SOX6: variants seen among roughly 807,000 people sequenced by gnomAD.
SOX6 encodes the protein transcription factor SOX-6.
In SOX6, 11 loss-of-function variants were observed where a neutral mutation model predicts 97.8. The observed-to-expected ratio is 0.11, with a 90% confidence interval of 0.07 to 0.19. The LOEUF is 0.19. Among genes scored for constraint, SOX6 ranks in the 10% least tolerant of loss-of-function variants. SOX6 has a pLI of 1.00. For missense variants in SOX6, 810 were observed against 1,039.5 expected, an observed-to-expected ratio of 0.78 and a Z score of 3.04; for synonymous variants, 360 against 371.4, an observed-to-expected ratio of 0.97 and a Z score of 0.35.
intron 3 of SOX6, among the ~76,000 whole-genome samples, chr11:16,614,096 CAA>C (rs1565193723): frequency 6.6e-6 from 1 of 152,196 alleles, no homozygotes; most frequent in Non-Finnish European, 1.5e-5. Context: ...AGCTTCGGGC[CAA>C]AGAGTCTGCA....
At chr11:16,230,726 C>T (rs1852822993) in intron 4 of SOX6, among the ~76,000 whole-genome samples, 1 of 151,570 alleles carries the variant, frequency 6.6e-6, no homozygotes, top group East Asian at 1.9e-4. Context: ...TAAAGATAAA[C>T]TTTAAAGAAG....
At chr11:16,693,707 T>C (rs901723002) in intron 3 of SOX6, among the ~76,000 whole-genome samples, 1 of 152,194 alleles carries the variant, frequency 6.6e-6, no homozygotes, top group African/African-American at 2.4e-5. Flanking sequence ...GATGTAAATG[T>C]AATGGTTCCC....
rs114394853 is a variant in SOX6 at position 16,637,616 on chromosome 11, G to A, written n.430-25356C>T. ...ACACTGGATGTTGATTAGGGTAAATGATTGAACTACTATAATAAACAGAAT... is the reference window on the plus strand; with the variant it reads ...ACACTGGATGTTGATTAGGGTAAATAATTGAACTACTATAATAAACAGAAT... On this transcript the variant is annotated intron_variant and non_coding_transcript_variant, in intron 3 of 5. Transcript: ENST00000524520. Among the ~76,000 whole-genome samples the A allele has an allele frequency of 3.7e-3, 567 of 152,330 alleles. 3 individuals are homozygous for A. Among genetic ancestry groups the A allele is most frequent in the African/African-American group, 0.013 (528 of 41,564 alleles).
chr11:16,307,067 A>AC (rs1855463914), intron 3 of SOX6, among the ~76,000 whole-genome samples: 3 of 152,224 alleles, frequency 2.0e-5, no homozygotes, highest in Non-Finnish European at 4.4e-5. Flanking sequence ...CAAAGGTCCT[A>AC]AGACATGTTT....
At chr11:16,147,936 G>A (rs1850354487) in intron 6 of SOX6, among the ~76,000 whole-genome samples, 1 of 152,134 alleles carries the variant, frequency 6.6e-6, no homozygotes. Context: ...GAACCTCTTG[G>A]TCTTTCACAC....
chr11:16,269,837 A>T (rs1040719205), intron 3 of SOX6: 12 of 151,290 alleles, frequency 7.9e-5, no homozygotes, highest in African/African-American at 2.4e-4. Context: ...TTTTCTAAGC[A>T]TTCCTAGGTA....
chr11:15,987,921 T>C (rs755061097), intron 14 of SOX6, among the ~76,000 whole-genome samples: 2 of 152,260 alleles, frequency 1.3e-5, no homozygotes, highest in East Asian at 1.9e-4. Flanking sequence ...TTTGATCTTA[T>C]GTATGTTTTA....
intron 1 of SOX6, among the ~76,000 whole-genome samples, chr11:16,449,377 C>T (rs1185507822): frequency 8.3e-5 from 12 of 144,792 alleles, no homozygotes; most frequent in Admixed American, 6.4e-4. Context: ...ACTGCAAGCT[C>T]CGCCTCCCGG....
At chr11:16,089,478 T>A (rs868473373) in intron 9 of SOX6, among the ~76,000 whole-genome samples, 1 of 152,140 alleles carries the variant, frequency 6.6e-6, no homozygotes, top group Non-Finnish European at 1.5e-5. Context: ...AAGAATCCTT[T>A]ATTAATGCCA....
chr11:16,261,383 T>C (rs966304404), intron 3 of SOX6, among the ~76,000 whole-genome samples: 1 of 152,174 alleles, frequency 6.6e-6, no homozygotes, highest in Non-Finnish European at 1.5e-5. Context: ...TTAATCAATG[T>C]TTATTTTCTG....
At chr11:16,167,937 T>A (rs781208446) in intron 6 of SOX6, among the ~76,000 whole-genome samples, 155 of 152,202 alleles carry the variant, frequency 1.0e-3, no homozygotes, top group Non-Finnish European at 7.1e-4. Context: ...CAGGGATTTT[T>A]GTAGATTGCC....
At chr11:16,602,289 T>C (rs1411143030) in intron 4 of SOX6, among the ~76,000 whole-genome samples, 1 of 152,198 alleles carries the variant, frequency 6.6e-6, no homozygotes, top group African/African-American at 2.4e-5. Flanking sequence ...TGGTGATACA[T>C]GAGAAAAGCA....
At chr11:16,225,683 C>A (rs1852667203) in intron 4 of SOX6, among the ~76,000 whole-genome samples, 1 of 152,090 alleles carries the variant, frequency 6.6e-6, no homozygotes, top group Non-Finnish European at 1.5e-5. Flanking sequence ...GTGATAACAG[C>A]ACTGCTTAAG....
At chr11:16,642,998 T>C (rs544425921) in intron 3 of SOX6, among the ~76,000 whole-genome samples, 2 of 152,362 alleles carry the variant, frequency 1.3e-5, no homozygotes, top group African/African-American at 4.8e-5. Context: ...CTCTGATTTT[T>C]AGAAGTTTCA....
chr11:16,372,222 CA>C (rs1857510380), intron 1 of SOX6, among the ~76,000 whole-genome samples: 2 of 151,918 alleles, frequency 1.3e-5, no homozygotes, highest in Non-Finnish European at 2.9e-5. Context: ...CCAGGTAACT[CA>C]AGATGACCAG....
intron 9 of SOX6, among the ~76,000 whole-genome samples, chr11:16,089,328 A>G (rs945856304): frequency 2.0e-5 from 3 of 152,152 alleles, no homozygotes; most frequent in African/African-American, 7.2e-5. Context: ...AATTTGACTC[A>G]AGATGACTCT....
chr11:16,469,186 T>C (rs1205441280), intron 1 of SOX6, among the ~76,000 whole-genome samples: 1 of 152,050 alleles, frequency 6.6e-6, no homozygotes, highest in East Asian at 1.9e-4. Context: ...AGTAAAATGG[T>C]TTAATGAAAC....
intron 4 of SOX6, among the ~76,000 whole-genome samples, chr11:16,493,807 G>A (rs929316430): frequency 1.3e-5 from 2 of 152,142 alleles, no homozygotes; most frequent in Non-Finnish European, 2.9e-5. Flanking sequence ...AAACATTATT[G>A]TTAGGAGTAC....
chr11:16,587,699 G>A (rs1021767247), intron 4 of SOX6, among the ~76,000 whole-genome samples: 1 of 152,206 alleles, frequency 6.6e-6, no homozygotes, highest in Non-Finnish European at 1.5e-5. Context: ...AATGAAAATA[G>A]GGGTGTTATT....
Sources: gnomAD v4.1 joint callset for allele counts (sites outside exome capture counted in the v4.1 genomes callset) on GRCh38, gnomAD v4.1.1 for gene constraint, MANE v1.5 for transcripts, NCBI Gene and HGNC (gene_info 2026-07-23, HGNC 2026-07-21) for gene names.